SLC2A14: variants seen among roughly 807,000 people sequenced by gnomAD.
The protein encoded by SLC2A14 is solute carrier family 2 member 14.
In SLC2A14, 13 loss-of-function variants were observed where a neutral mutation model predicts 43.0. The observed-to-expected ratio is 0.30, with a 90% confidence interval of 0.20 to 0.48. SLC2A14 has a LOEUF of 0.48. Ranked by LOEUF, SLC2A14 falls within the 20% of genes least tolerant of loss-of-function variation. The pLI is 0.99. For missense variants in SLC2A14, 428 were observed against 620.4 expected (o/e 0.69, Z 3.29); for synonymous variants, 190 against 233.8 (o/e 0.81, Z 1.71).
intron 2 of SLC2A14, among the ~76,000 whole-genome samples, chr12:7,842,210 C>T (rs906682760): frequency 1.3e-5 from 2 of 152,076 alleles, no homozygotes; most frequent in African/African-American, 2.4e-5. Flanking sequence ...CATGTCTTTT[C>T]GTGGCTCATT....
chr12:7,870,421 G>A (rs1945161381), intron 1 of SLC2A14, among the ~76,000 whole-genome samples: 1 of 152,140 alleles, frequency 6.6e-6, no homozygotes, highest in African/African-American at 2.4e-5. Context: ...CAGTGAAGTT[G>A]GAAGTCGTGA....
rs1385164123 is a variant in SLC2A14, at chr12:7,886,492, CT to C, written c.132+4503del. Among the ~76,000 whole-genome samples the C allele has an allele frequency of 2.6e-5, 4 of 151,990 alleles. No homozygotes were observed. In the East Asian group the frequency reaches 7.7e-4, roughly 29 times the overall value. ...CAAATTGCTGGGAGTGCGTGAAGTA[CT>C]GCAGCTAGCTAAAATTTTTCATAAT... On this transcript the variant is annotated intron_variant, in intron 1 of 9. Transcript: ENST00000539924.
At chr12:7,873,224 G>GT, upstream of SLC2A14, 1 of 985,548 alleles carries the variant, frequency 1.0e-6, no homozygotes, top group Non-Finnish European at 1.2e-6. Context: ...CGTTAGGAGG[G>GT]TGTGAACGTA....
chr12:7,865,126 T>A (rs1944836303), intron 2 of SLC2A14, among the ~76,000 whole-genome samples: 1 of 152,192 alleles, frequency 6.6e-6, no homozygotes. Context: ...TTGTAATATT[T>A]CAAACATTTC....
chr12:7,883,247 TTC>T (rs928042860), intron 1 of SLC2A14, among the ~76,000 whole-genome samples: 96 of 146,766 alleles, frequency 6.5e-4, no homozygotes, highest in African/African-American at 2.3e-3. Flanking sequence ...CACAAATGCT[TTC>T]TTTTTCTTTC....
intron 2 of SLC2A14, among the ~76,000 whole-genome samples, chr12:7,841,277 T>C (rs748716468): frequency 2.0e-5 from 3 of 152,208 alleles, no homozygotes; most frequent in African/African-American, 4.8e-5. Flanking sequence ...TTTATTGTTA[T>C]TATTTTTTTC....
At chr12:7,851,822 T>G (rs1273132405) in intron 2 of SLC2A14, among the ~76,000 whole-genome samples, 1 of 152,168 alleles carries the variant, frequency 6.6e-6, no homozygotes, top group East Asian at 1.9e-4. Flanking sequence ...TCTCATTAGC[T>G]CTTCTTTGAT....
chr12:7,830,757 T>C (rs1021767139), intron 4 of SLC2A14, among the ~76,000 whole-genome samples: 3 of 152,174 alleles, frequency 2.0e-5, no homozygotes, highest in Non-Finnish European at 4.4e-5. Context: ...ATTAAAACAG[T>C]TCCTTTGTCA....
intron 1 of SLC2A14, chr12:7,870,736 A>G (rs1945176999): frequency 1.9e-6 from 1 of 517,358 alleles, no homozygotes; most frequent in Admixed American, 4.7e-5. Flanking sequence ...AAGTCAAACC[A>G]AAAAAAACCT....
intron 7 of SLC2A14, among the ~76,000 whole-genome samples, chr12:7,826,848 T>A (rs1273241928): frequency 9.7e-5 from 1 of 10,354 alleles, no homozygotes; most frequent in African/African-American, 1.9e-4. Flanking sequence ...CTTCCTTCCT[T>A]CCTTCCTTTC....
chr12:7,828,996 G>T, intron 5 of SLC2A14, 130 bp from the exon 6 acceptor site: 2 of 1,164,336 alleles, frequency 1.7e-6, no homozygotes, highest in Non-Finnish European at 2.4e-6. Context: ...GCTGAGGCAG[G>T]TGGATCAGGA....
At chr12:7,875,458 A>C (rs1945447195), upstream of SLC2A14, among the ~76,000 whole-genome samples, 1 of 151,098 alleles carries the variant, frequency 6.6e-6, no homozygotes, top group Non-Finnish European at 1.5e-5. Flanking sequence ...CAGTCAGCCA[A>C]GATTGCACCA....
At position 7,821,296 on chromosome 12, in the gene SLC2A14, C is replaced by A; in HGVS notation, c.894G>T (p.Lys298Asn). ...AVFYYSTGIF[K>N]DAGVQQPIYA... Reference sequence around the variant, plus strand: ...AGATGGGCTGTTGAACACCTGCATCCTTGAAGATTCCTGTTGAGTAATAGA... The same window carrying A: ...AGATGGGCTGTTGAACACCTGCATCATTGAAGATTCCTGTTGAGTAATAGA... Residue 298 changes from lysine (K) to asparagine (N), a missense_variant, in exon 8 of 11, where the codon AAG becomes AAT. Lys to Asn is a moderately conservative substitution (Grantham distance 94, BLOSUM62 0). Transcript: ENST00000431042. 6.2e-7 allele frequency: 1 copy of A among 1,613,790 alleles called. No homozygotes were observed. The highest frequency in any genetic ancestry group is 8.5e-7 in the Non-Finnish European group (1 of 1,179,822).
At chr12:7,831,323 A>C (rs1043300796) in intron 4 of SLC2A14, 36 of 335,844 alleles carry the variant, frequency 1.1e-4, no homozygotes, top group Admixed American at 1.7e-4. Flanking sequence ...GAAACCCCAT[A>C]GTTGAGCTTA....
rs779229772 is a variant in SLC2A14 at position 7,885,002 on chromosome 12, A to G, written c.132+5994T>C. 4.6e-4 allele frequency among the ~76,000 whole-genome samples: 70 copies of G among 152,206 alleles called. 1 individual carries two copies. Among genetic ancestry groups the G allele is most frequent in the African/African-American group, 1.6e-3 (67 of 41,536 alleles). ...AAAAACGATCAGGACTATTTTTGAC[A>G]ATGCAGTTTGATGGTTTAGTCTTTT... On this transcript the variant is annotated intron_variant, in intron 1 of 9. Transcript: ENST00000539924.
At chr12:7,878,996 A>AAC (rs1945516476) in intron 1 of SLC2A14, among the ~76,000 whole-genome samples, 1 of 128,392 alleles carries the variant, frequency 7.8e-6, no homozygotes, top group Non-Finnish European at 1.7e-5. Context: ...AAAAAAAAAA[A>AAC]AAAAAAAAAC....
intron 10 of SLC2A14, among the ~76,000 whole-genome samples, chr12:7,815,388 C>A (rs1400541287): frequency 6.6e-6 from 1 of 152,088 alleles, no homozygotes. Context: ...TGCATTCCAC[C>A]GTGGGCAACA....
rs573653003 is a variant in SLC2A14, at chr12:7,835,058, CTG to C, written c.19-2246_19-2245del. 3.4e-3 allele frequency among the ~76,000 whole-genome samples: 506 copies of C among 150,030 alleles called. 2 individuals are homozygous for C. Among genetic ancestry groups the C allele is most frequent in the Non-Finnish European group, 3.7e-3 (254 of 67,778 alleles). Reference sequence around the variant, plus strand: ...GGCTAGCTGCCCTCAGACACCTATGCTGTGTCATTTGATTCCTTTTGAAATCT... The same window carrying C: ...GGCTAGCTGCCCTCAGACACCTATGCTGTCATTTGATTCCTTTTGAAATCT... On this transcript the variant is annotated intron_variant, in intron 2 of 10. Coordinates refer to ENST00000431042, the MANE Select transcript of SLC2A14 (RefSeq NM_001286234.2).
chr12:7,826,894 TTTC>T lies in SLC2A14; in HGVS notation c.864+598_864+600del, dbSNP rs1239417458. ...CTTTCTTTCTTTCTTTCTTTCTTTC[TTTC>T]TTTCTTTCTTTCTTTCTTTTTCCTT... On this transcript the variant is annotated intron_variant, in intron 7 of 10. Coordinates refer to ENST00000431042, the MANE Select transcript of SLC2A14 (RefSeq NM_001286234.2). 4.8e-5 allele frequency among the ~76,000 whole-genome samples: 3 copies of T among 62,064 alleles called. No individual in the cohort carries two copies. In the South Asian group the frequency reaches 1.4e-3, roughly 28 times the overall value. The allele number at this position is 62,064 out of a possible 152,430, so 40.7% of individuals were successfully genotyped here.
Sources: gnomAD v4.1 joint callset for allele counts (sites outside exome capture counted in the v4.1 genomes callset) on GRCh38, gnomAD v4.1.1 for gene constraint, MANE v1.5 for transcripts, NCBI Gene and HGNC (gene_info 2026-07-23, HGNC 2026-07-21) for gene names.